Variants in PRICKLE1 observed in about 807,000 individuals in gnomAD.
The protein encoded by PRICKLE1 is prickle-like protein 1.
A neutral mutation model predicts 70.2 loss-of-function variants in PRICKLE1; 14 were observed. That is an observed-to-expected ratio of 0.20 (90% confidence interval 0.13 to 0.31). The LOEUF (loss-of-function observed/expected upper bound fraction) is 0.31, where lower values mean the gene tolerates loss of function less well. Among genes scored for constraint, PRICKLE1 ranks in the 10% least tolerant of loss-of-function variants. PRICKLE1 has a pLI of 1.00. For synonymous variants in PRICKLE1, 357 were observed against 379.9 expected, an observed-to-expected ratio of 0.94 and a Z score of 0.70; for missense variants, 821 against 1,026.2, an observed-to-expected ratio of 0.80 and a Z score of 2.73.
At chr12:42,514,817 C>A (rs1363182731) in intron 1 of PRICKLE1, among the ~76,000 whole-genome samples, 1 of 151,968 alleles carries the variant, frequency 6.6e-6, no homozygotes, top group East Asian at 1.9e-4. Context: ...TTAGTTGATT[C>A]TTTTAGTATT....
intron 1 of PRICKLE1, among the ~76,000 whole-genome samples, chr12:42,487,800 C>T (rs1939016232): frequency 6.6e-6 from 1 of 152,202 alleles, no homozygotes; most frequent in South Asian, 2.1e-4. Context: ...AATCCCGGCA[C>T]TTTGGGAGGC....
At chr12:42,564,151 G>T (rs919719224) in intron 1 of PRICKLE1, among the ~76,000 whole-genome samples, 5 of 150,722 alleles carry the variant, frequency 3.3e-5, no homozygotes, top group African/African-American at 1.2e-4. Context: ...CCAGCTACTT[G>T]GGAGGCTGAG....
At chr12:42,468,481 T>C (rs1338900107) in intron 5 of PRICKLE1, 145 bp downstream of exon 5, 3 of 795,674 alleles carry the variant, frequency 3.8e-6, no homozygotes, top group South Asian at 1.6e-5. Context: ...GATCATTTCA[T>C]TGTATGAATG....
Position 42,460,164 on chromosome 12 carries a change from T to A in PRICKLE1, c.2141A>T (p.Gln714Leu). The change falls in exon 8 of 8, where the codon CAG (glutamine) becomes CTG (leucine). Residue 714 changes from glutamine to leucine, a missense_variant. Gln to Leu is a moderately radical substitution (Grantham distance 113, BLOSUM62 -2). Coordinates refer to ENST00000345127, the MANE Select transcript of PRICKLE1 (RefSeq NM_153026.3). The stretch of plus-strand genomic sequence containing the variant: ...TTGGATCTCCCGGGCACTTTTATTC[T>A]GTATAAATTTCTCATAGTTATCGGG... ...YTPDNYEKFI[Q>L]NKSAREIQAY... is the part of the protein sequence containing the mutation. 6.2e-7 allele frequency: 1 copy of A among 1,614,120 alleles called. No homozygotes were observed. Among genetic ancestry groups the A allele is most frequent in the Non-Finnish European group, 8.5e-7 (1 of 1,180,034 alleles).
intron 1 of PRICKLE1, among the ~76,000 whole-genome samples, chr12:42,586,501 C>T (rs956426940): frequency 6.6e-6 from 1 of 151,956 alleles, no homozygotes. Context: ...GAGCCAAGCA[C>T]CACTACATGT....
chr12:42,462,328 G>A (rs1937878895), intron 7 of PRICKLE1, among the ~76,000 whole-genome samples: 1 of 152,014 alleles, frequency 6.6e-6, no homozygotes, highest in Non-Finnish European at 1.5e-5. Flanking sequence ...AGCCTCCCGA[G>A]TAGCTGAAAT....
At chr12:42,562,670 T>C (rs1199013454) in intron 1 of PRICKLE1, among the ~76,000 whole-genome samples, 1 of 152,086 alleles carries the variant, frequency 6.6e-6, no homozygotes, top group East Asian at 1.9e-4. Flanking sequence ...TGCAGACAGA[T>C]GCACAAAGAA....
chr12:42,506,619 A>T (rs1231578447), intron 1 of PRICKLE1, among the ~76,000 whole-genome samples: 3 of 111,650 alleles, frequency 2.7e-5, no homozygotes, highest in African/African-American at 1.1e-4. Flanking sequence ...TCTGTCGCCC[A>T]GGCTGGAGTG....
intron 1 of PRICKLE1, among the ~76,000 whole-genome samples, chr12:42,520,942 G>A (rs1471688738): frequency 2.0e-5 from 3 of 152,122 alleles, no homozygotes; most frequent in Admixed American, 6.5e-5. Flanking sequence ...AGGCTGAGGC[G>A]GGCAGATCAC....
Position 42,465,107 on chromosome 12 carries a change from A to C in PRICKLE1, c.927T>G (p.Gly309=), listed in dbSNP as rs529793741. The part of the protein sequence containing the change: ...QIYCSKTCSL[G]EDVHASDSSD... Reference sequence around the variant, plus strand: ...AAGAATCAGAGGCATGGACGTCTTCACCAAGACTGCACGTTTTTGAGCAGT... The same window carrying C: ...AAGAATCAGAGGCATGGACGTCTTCCCCAAGACTGCACGTTTTTGAGCAGT... The change falls in exon 7 of 8, where the codon GGT becomes GGG. Residue 309 remains glycine (G), a synonymous_variant. Transcript: ENST00000345127. 3.8e-6 allele frequency: 6 copies of C among 1,568,872 alleles called. No homozygotes were observed. The East Asian group carries it at 9.0e-5, about 23-fold the overall frequency.
chr12:42,583,062 A>G (rs1441526156), intron 1 of PRICKLE1, among the ~76,000 whole-genome samples: 4 of 152,166 alleles, frequency 2.6e-5, no homozygotes, highest in Non-Finnish European at 5.9e-5. Flanking sequence ...TTTGCTTATC[A>G]GTGAAATAAA....
chr12:42,480,064 A>C (rs1478638787), intron 1 of PRICKLE1, among the ~76,000 whole-genome samples: 1 of 152,218 alleles, frequency 6.6e-6, no homozygotes, highest in African/African-American at 2.4e-5. Flanking sequence ...CATTTTGAGC[A>C]CAGTAGAAAA....
In PRICKLE1 at chr12:42,460,186, C is replaced by T. The variant is rs369077719; in HGVS notation, c.2119G>A (p.Asp707Asn). 6 of 1,614,010 alleles carry T rather than the reference C, an allele frequency of 3.7e-6. No individual in the cohort carries two copies. The East Asian group carries it at 6.7e-5, about 18-fold the overall frequency. ...TTCTGTATAAATTTCTCATAGTTAT[C>T]GGGGGTGTACAGCCGCAGTCTGTCC... The part of the protein sequence containing the change: ...PKDRLRLYTP[D>N]NYEKFIQNKS... The change falls in exon 8 of 8, where the codon GAT becomes AAT. Residue 707 changes from aspartate (D) to asparagine (N), a missense_variant. Physicochemically the swap from Asp to Asn is conservative, Grantham distance 23. Transcript: ENST00000345127.
chr12:42,500,687 T>G lies in PRICKLE1; in HGVS notation c.-48-28123A>C, dbSNP rs528632284. On this transcript the variant is annotated intron_variant, in intron 1 of 7. Coordinates refer to ENST00000345127, the MANE Select transcript of PRICKLE1 (RefSeq NM_153026.3). ...TTCTTTTTTTTTTTTTACTAAAATC[T>G]TTCAGTTTCAACAAATGAAAAAAAA... Among the ~76,000 whole-genome samples the G allele has an allele frequency of 1.3e-3, 190 of 147,274 alleles. 1 individual carries two copies. Among genetic ancestry groups the G allele is most frequent in the African/African-American group, 4.6e-3 (178 of 38,686 alleles).
chr12:42,573,870 G>A (rs1940762373), intron 1 of PRICKLE1, among the ~76,000 whole-genome samples: 1 of 152,180 alleles, frequency 6.6e-6, no homozygotes. Context: ...ATGTGTGGCA[G>A]TGTATGCATC....
At chr12:42,574,539 A>C (rs1049167286) in intron 1 of PRICKLE1, among the ~76,000 whole-genome samples, 1 of 152,238 alleles carries the variant, frequency 6.6e-6, no homozygotes, top group Non-Finnish European at 1.5e-5. Flanking sequence ...TTTATCACAC[A>C]CCAGACTGCC....
chr12:42,564,829 G>C (rs918012913), intron 1 of PRICKLE1, among the ~76,000 whole-genome samples: 1 of 152,058 alleles, frequency 6.6e-6, no homozygotes, highest in Non-Finnish European at 1.5e-5. Flanking sequence ...TGCTTACTGT[G>C]GTGTATCCAG....
chr12:42,495,336 G>A (rs2140174965), intron 1 of PRICKLE1, among the ~76,000 whole-genome samples: 1 of 146,038 alleles, frequency 6.8e-6, no homozygotes, highest in East Asian at 2.1e-4. Context: ...CTGAGATTGT[G>A]CCACCACATA....
rs191124776 is a variant in PRICKLE1 at position 42,467,148 on chromosome 12, G to A, written c.589-768C>T. ...TTTTATTTTTTTGAGACAGAGTCTCGCTCTGTCACCACGCTGGAGTGCAAT... is the reference window on the plus strand; with the variant it reads ...TTTTATTTTTTTGAGACAGAGTCTCACTCTGTCACCACGCTGGAGTGCAAT... On this transcript the variant is annotated intron_variant, in intron 5 of 7. Transcript: ENST00000345127. 2.1e-3 allele frequency among the ~76,000 whole-genome samples: 314 copies of A among 151,406 alleles called. 1 individual carries two copies. Among genetic ancestry groups the A allele is most frequent in the African/African-American group, 7.2e-3 (296 of 41,232 alleles).
Sources: allele counts gnomAD v4.1 joint callset (sites outside exome capture counted in the v4.1 genomes callset), GRCh38; gene constraint gnomAD v4.1.1; transcripts MANE v1.5; gene names NCBI Gene and HGNC (gene_info 2026-07-23, HGNC 2026-07-21).